Variants in CD55 observed in about 807,000 individuals in gnomAD.
CD55 encodes CD55 molecule (Cromer blood group).
A neutral mutation model predicts 45.8 loss-of-function variants in CD55; 41 were observed. The observed-to-expected ratio is 0.90, with a 90% CI of 0.70 to 1.16. The LOEUF (loss-of-function observed/expected upper bound fraction) is 1.16. Ranked by LOEUF, CD55 falls within the 50% of genes most tolerant of loss-of-function variation. The pLI, the probability that CD55 is intolerant of heterozygous loss-of-function variation, is 0.00. For synonymous variants in CD55, 181 were observed against 181.1 expected, an observed-to-expected ratio of 1.00 and a Z score of 0.01; for missense variants, 416 against 469.8, an observed-to-expected ratio of 0.89 and a Z score of 1.06.
At chr1:207,331,427 T>A in intron 6 of CD55, 131 bp downstream of exon 6, 1 of 710,474 alleles carries the variant, frequency 1.4e-6, no homozygotes, top group Non-Finnish European at 2.3e-6. Context: ...TATTTTTCTG[T>A]GGGACACAAT....
chr1:207,342,409 C>T (rs1655463559), intron 9 of CD55, among the ~76,000 whole-genome samples: 1 of 152,228 alleles, frequency 6.6e-6, no homozygotes, highest in South Asian at 2.1e-4. Context: ...TCAGCTTTTC[C>T]TCATTCAACA....
intron 9 of CD55, among the ~76,000 whole-genome samples, chr1:207,343,756 TG>T (rs1655523210): frequency 6.6e-6 from 1 of 152,168 alleles, no homozygotes; most frequent in Non-Finnish European, 1.5e-5. Context: ...ATGCTGACAG[TG>T]GGATGTTGAA....
chr1:207,352,632 A>G (rs1303975550), intron 9 of CD55, among the ~76,000 whole-genome samples: 2 of 152,130 alleles, frequency 1.3e-5, no homozygotes, highest in African/African-American at 4.8e-5. Context: ...AGAGATAGAG[A>G]TTGTGATTCC....
intron 9 of CD55, among the ~76,000 whole-genome samples, chr1:207,342,054 G>C (rs1367455672): frequency 6.6e-6 from 1 of 151,802 alleles, no homozygotes; most frequent in Non-Finnish European, 1.5e-5. Flanking sequence ...GTTCATTATT[G>C]TATAGAAATG....
chr1:207,341,284 A>G (rs1320336477), intron 9 of CD55, among the ~76,000 whole-genome samples: 1 of 152,030 alleles, frequency 6.6e-6, no homozygotes, highest in African/African-American at 2.4e-5. Context: ...AGTCCTATTT[A>G]TCTATTTTTG....
rs192444820 is a variant in CD55, at chr1:207,337,966, C to T, written c.1060+557C>T. 8.5e-5 allele frequency among the ~76,000 whole-genome samples: 13 copies of T among 152,238 alleles called. No individual in the cohort carries two copies. In the East Asian group the frequency reaches 2.5e-3, roughly 29 times the overall value. ...GTGGCACCAAGTAATTGTGTTTTAT[C>T]TATAGTTTTACCCATTATGACCGTA... On this transcript the variant is annotated intron_variant, in intron 8 of 9. Transcript: ENST00000367064.
intron 9 of CD55, among the ~76,000 whole-genome samples, chr1:207,345,366 C>G (rs982125800): frequency 6.6e-6 from 1 of 152,012 alleles, no homozygotes; most frequent in African/African-American, 2.4e-5. Flanking sequence ...AATATTTCAT[C>G]AAGTATATTA....
intron 5 of CD55, among the ~76,000 whole-genome samples, chr1:207,330,682 C>T (rs1188217528): frequency 4.6e-5 from 7 of 152,228 alleles, no homozygotes; most frequent in South Asian, 2.1e-4. Context: ...ACGCTTTCTC[C>T]GCTGTTCTCT....
chr1:207,322,380 A>G lies in CD55; in HGVS notation c.101-2A>G. On this transcript the variant is annotated splice_acceptor_variant, in intron 1 of 9. Transcript: ENST00000367064. LOFTEE classifies it high-confidence loss of function. ...CCTTCAGTTCTGCTTTTGTCTCCCT[A>G]GGTGACTGTGGCCTTCCCCCAGATG... The G allele has an allele frequency of 1.2e-6, 2 of 1,613,710 alleles. No homozygotes were observed. Among genetic ancestry groups the G allele is most frequent in the Non-Finnish European group, 1.7e-6 (2 of 1,179,594 alleles).
chr1:207,330,230 CA>C (rs1165312726), intron 5 of CD55, among the ~76,000 whole-genome samples: 1 of 151,538 alleles, frequency 6.6e-6, no homozygotes, highest in African/African-American at 2.4e-5. Flanking sequence ...GATCCAAGAC[CA>C]AAGAGTGATT....
At chr1:207,353,755 G>A (rs1327876012) in intron 9 of CD55, among the ~76,000 whole-genome samples, 1 of 152,150 alleles carries the variant, frequency 6.6e-6, no homozygotes, top group Non-Finnish European at 1.5e-5. Flanking sequence ...AACGATGATG[G>A]CAAGACACTT....
At position 207,347,421 on chromosome 1, in the gene CD55, G is replaced by A. The variant is rs544190837; in HGVS notation, c.1081+8004G>A. 8.8e-4 allele frequency: 307 copies of A among 348,136 alleles called. 3 individuals carry two copies. The highest frequency in any genetic ancestry group is 4.8e-3 in the South Asian group (216 of 45,116). 21.6% of individuals were successfully genotyped at this position (348,136 alleles called of 1,614,324 possible). ...ACTATAGGCGCCTGCCACCACACCCGGCTAATTTTTTGTATTTTTCAGTAG... is the reference window on the plus strand; with the variant it reads ...ACTATAGGCGCCTGCCACCACACCCAGCTAATTTTTTGTATTTTTCAGTAG... On this transcript the variant is annotated intron_variant, in intron 9 of 9. Transcript: ENST00000367064.
chr1:207,326,861 C>G, intron 5 of CD55, 24 bp downstream of exon 5: 1 of 1,526,994 alleles, frequency 6.5e-7, no homozygotes, highest in South Asian at 1.1e-5. Context: ...AATCTAAGCA[C>G]TCAGATTGTG....
chr1:207,322,016 GC>G (rs1572865029), intron 1 of CD55, 151 bp downstream of exon 1: 10 of 624,764 alleles, frequency 1.6e-5, no homozygotes, highest in Non-Finnish European at 2.8e-5. Context: ...TAAGGCTCTC[GC>G]CGCTCACCAG....
At chr1:207,323,192 G>C (rs1654506606) in intron 2 of CD55, among the ~76,000 whole-genome samples, 2 of 149,194 alleles carry the variant, frequency 1.3e-5, no homozygotes, top group South Asian at 2.1e-4. Flanking sequence ...TATATAATTG[G>C]GATATATATA....
chr1:207,330,918 G>T (rs528617403), intron 5 of CD55, among the ~76,000 whole-genome samples, 190 bp from the exon 6 acceptor site: 2 of 152,162 alleles, frequency 1.3e-5, no homozygotes, highest in East Asian at 1.9e-4. Flanking sequence ...TACACCATTT[G>T]CATTCAAAGC....
rs1216881366 is a variant in CD55, at chr1:207,321,697, C to G, written c.-69C>G. 1.1e-5 allele frequency: 13 copies of G among 1,211,764 alleles called. No homozygotes were observed. In the South Asian group the frequency reaches 1.2e-4, roughly 11 times the overall value. 75.1% of individuals were successfully genotyped at this position (1,211,764 alleles called of 1,614,324 possible). A position where few individuals can be genotyped will look rare whatever the true frequency, so the allele number is the denominator to read the frequency against. ...AGGCTTCTGCTTACTGCAACTCGCT[C>G]CGGCCGCTGGGCGTAGCTGCGACTC... On this transcript the variant is annotated 5_prime_UTR_variant, in exon 1 of 10. Transcript: ENST00000367064.
In CD55 at chr1:207,358,847, A is replaced by G. The variant is rs1197106092; in HGVS notation, c.1082-699A>G. On this transcript the variant is annotated intron_variant, in intron 9 of 9. Transcript: ENST00000367064. ...AGTAATGCTTATCATCTCATCCTACATTTTGAACTCAGTTTATTGTAACGA... is the reference window on the plus strand; with the variant it reads ...AGTAATGCTTATCATCTCATCCTACGTTTTGAACTCAGTTTATTGTAACGA... Among the ~76,000 whole-genome samples the G allele has an allele frequency of 2.6e-5, 4 of 152,240 alleles. 1 individual carries two copies. The East Asian group carries it at 5.8e-4, about 22-fold the overall frequency.
rs954959830 is a variant in CD55, at chr1:207,321,694, G to A, written c.-72G>A. Reference sequence around the variant, plus strand: ...ACGAGGCTTCTGCTTACTGCAACTCGCTCCGGCCGCTGGGCGTAGCTGCGA... The same window carrying A: ...ACGAGGCTTCTGCTTACTGCAACTCACTCCGGCCGCTGGGCGTAGCTGCGA... On this transcript the variant is annotated 5_prime_UTR_variant, in exon 1 of 10. Coordinates refer to ENST00000367064, the MANE Select transcript of CD55 (RefSeq NM_000574.5). The A allele has an allele frequency of 1.7e-6, 2 of 1,171,986 alleles. No individual in the cohort carries two copies. Among genetic ancestry groups the A allele is most frequent in the African/African-American group, 1.6e-5 (1 of 62,040 alleles). 72.6% of individuals were successfully genotyped at this position (1,171,986 alleles called of 1,614,324 possible).
Sources: gnomAD v4.1 joint callset for allele counts (sites outside exome capture counted in the v4.1 genomes callset) on GRCh38, gnomAD v4.1.1 for gene constraint, MANE v1.5 for transcripts, NCBI Gene and HGNC (gene_info 2026-07-23, HGNC 2026-07-21) for gene names.